BNC2: variants seen among roughly 807,000 people sequenced by gnomAD.
The protein encoded by BNC2 is zinc finger protein basonuclin-2.
A neutral mutation model predicts 76.3 loss-of-function variants in BNC2; 20 were observed. The observed-to-expected ratio is 0.26, with a 90% CI of 0.18 to 0.38. The LOEUF is 0.38. Among genes scored for constraint, BNC2 ranks in the 10% least tolerant of loss-of-function variants. The pLI is 1.00. For synonymous variants in BNC2, 582 were observed against 514.8 expected (o/e 1.13, Z -1.77); for missense variants, 1,382 against 1,399.8 (o/e 0.99, Z 0.20).
intron 4 of BNC2, among the ~76,000 whole-genome samples, chr9:16,568,150 C>A (rs971779975): frequency 6.6e-6 from 1 of 152,118 alleles, no homozygotes; most frequent in South Asian, 2.1e-4. Flanking sequence ...TTACAAGCAT[C>A]AAGTGGTCAG....
At chr9:16,687,349 C>G (rs571674656) in intron 3 of BNC2, among the ~76,000 whole-genome samples, 1 of 152,222 alleles carries the variant, frequency 6.6e-6, no homozygotes, top group South Asian at 2.1e-4. Context: ...GCTCCTTGGT[C>G]TAGGACAACA....
chr9:16,577,968 T>G (rs1241183234), intron 4 of BNC2, among the ~76,000 whole-genome samples: 12 of 152,206 alleles, frequency 7.9e-5, no homozygotes, highest in Admixed American at 7.9e-4. Flanking sequence ...AAATGTATTT[T>G]TTATTCATCA....
At chr9:16,477,165 G>T (rs947512013) in intron 5 of BNC2, among the ~76,000 whole-genome samples, 1 of 152,206 alleles carries the variant, frequency 6.6e-6, no homozygotes, top group Non-Finnish European at 1.5e-5. Flanking sequence ...ACCGAGGCAG[G>T]AGGATCACTT....
chr9:16,682,978 T>G (rs1822868959), intron 3 of BNC2, among the ~76,000 whole-genome samples: 1 of 152,212 alleles, frequency 6.6e-6, no homozygotes, highest in Non-Finnish European at 1.5e-5. Flanking sequence ...CTGCTGTTCA[T>G]CAGTTAACCT....
chr9:16,769,920 T>G (rs1038384451), intron 1 of BNC2, among the ~76,000 whole-genome samples: 10 of 152,114 alleles, frequency 6.6e-5, no homozygotes, highest in Non-Finnish European at 1.5e-4. Flanking sequence ...CCAGGATAAG[T>G]GGAGCCCTCC....
chr9:16,492,081 T>C (rs1822290756), intron 5 of BNC2, among the ~76,000 whole-genome samples: 1 of 152,158 alleles, frequency 6.6e-6, no homozygotes, highest in Admixed American at 6.5e-5. Flanking sequence ...AATAAAAAGT[T>C]CATTCTATCA....
At chr9:16,559,868 G>A (rs1294831488) in intron 4 of BNC2, among the ~76,000 whole-genome samples, 4 of 152,208 alleles carry the variant, frequency 2.6e-5, no homozygotes, top group Admixed American at 1.3e-4. Context: ...AGTAATTTAT[G>A]TTGTGGCCTC....
intron 1 of BNC2, among the ~76,000 whole-genome samples, chr9:16,799,113 T>G (rs907516502): frequency 1.3e-5 from 2 of 152,100 alleles, no homozygotes; most frequent in African/African-American, 4.8e-5. Flanking sequence ...TAATGCACAT[T>G]ATTTTCCTTT....
intron 1 of BNC2, among the ~76,000 whole-genome samples, chr9:16,814,784 T>G (rs971413926): frequency 3.9e-5 from 6 of 152,226 alleles, no homozygotes; most frequent in African/African-American, 1.4e-4. Context: ...GGGGGGCTCC[T>G]ATACATTATG....
chr9:16,706,990 C>A (rs111991933), intron 3 of BNC2, among the ~76,000 whole-genome samples: 1 of 152,208 alleles, frequency 6.6e-6, no homozygotes, highest in African/African-American at 2.4e-5. Context: ...ATCACGAGGT[C>A]AGGAGATCGA....
At position 16,437,032 on chromosome 9, in the gene BNC2, T is replaced by A. The variant is rs1214761030; in HGVS notation, c.1162A>T (p.Thr388Ser). The change falls in exon 6 of 7, where the codon ACC becomes TCC. Residue 388 changes from threonine (T) to serine (S), a missense_variant. Around this residue, in one of 3 missense-constraint regions of BNC2, gnomAD observed 557 missense variants for 540.9 expected, o/e 1.03. Transcript: ENST00000380672. ...NDQTPNRNAL[T>S]SITNVEPKTE... is the part of the protein sequence containing the mutation. ...TTGGGCTCCACATTAGTAATGCTGG[T>A]CAGGGCATTTCTATTGGGTGTTTGA... 3 of 1,614,124 alleles carry A rather than the reference T, an allele frequency of 1.9e-6. No homozygotes were observed. Among genetic ancestry groups the A allele is most frequent in the East Asian group, 4.5e-5 (2 of 44,864 alleles).
chr9:16,723,805 T>C (rs1044689031), intron 3 of BNC2, among the ~76,000 whole-genome samples: 11 of 152,108 alleles, frequency 7.2e-5, no homozygotes, highest in Admixed American at 6.5e-4. Context: ...GCCCCTCACC[T>C]ATCTAAAAAA....
At chr9:16,667,130 T>C (rs1337465175) in intron 3 of BNC2, among the ~76,000 whole-genome samples, 1 of 149,420 alleles carries the variant, frequency 6.7e-6, no homozygotes, top group Non-Finnish European at 1.5e-5. Flanking sequence ...CACACGCCGA[T>C]GTTATAAAAG....
chr9:16,675,487 TG>T (rs1234148010), intron 3 of BNC2, among the ~76,000 whole-genome samples: 1 of 152,178 alleles, frequency 6.6e-6, no homozygotes, highest in Non-Finnish European at 1.5e-5. Context: ...CTTGAACTCC[TG>T]GGCTCAAGTG....
At chr9:16,593,987 A>T (rs1332541214) in intron 3 of BNC2, among the ~76,000 whole-genome samples, 1 of 152,094 alleles carries the variant, frequency 6.6e-6, no homozygotes, top group Non-Finnish European at 1.5e-5. Flanking sequence ...TATTTTATTC[A>T]TTTTCACTAA....
chr9:16,716,466 C>A (rs560803637), intron 3 of BNC2, among the ~76,000 whole-genome samples: 1 of 152,042 alleles, frequency 6.6e-6, no homozygotes, highest in Admixed American at 6.6e-5. Flanking sequence ...TTTTTTTTTA[C>A]ATGAAAGCAA....
intron 3 of BNC2, among the ~76,000 whole-genome samples, chr9:16,682,489 G>A (rs1822854618): frequency 6.6e-6 from 1 of 151,986 alleles, no homozygotes; most frequent in South Asian, 2.1e-4. Context: ...TACAGGAACA[G>A]TGTCATCACT....
chr9:16,454,131 CT>C (rs533881914), intron 5 of BNC2, among the ~76,000 whole-genome samples: 1 of 151,806 alleles, frequency 6.6e-6, no homozygotes. Context: ...TCCCATTCTG[CT>C]TTTTTTTGTG....
chr9:16,800,536 T>C (rs904138542), intron 1 of BNC2, among the ~76,000 whole-genome samples: 3 of 152,054 alleles, frequency 2.0e-5, no homozygotes, highest in African/African-American at 7.2e-5. Context: ...ACTACTTTTG[T>C]AATGCGAAGA....
Sources: gnomAD v4.1 joint callset for allele counts (sites outside exome capture counted in the v4.1 genomes callset) on GRCh38, gnomAD v4.1.1 for gene constraint, gnomAD v4.1.1 regional missense constraint, MANE v1.5 for transcripts, NCBI Gene and HGNC (gene_info 2026-07-23, HGNC 2026-07-21) for gene names.